Variants in LCP1 observed in about 807,000 individuals in gnomAD.
LCP1 encodes plastin-2.
LCP1 carries 23 observed loss-of-function variants against 72.0 expected under a neutral mutation model. The ratio of observed to expected loss-of-function variants is 0.32; its 90% CI spans 0.23 to 0.45. LCP1 has a LOEUF of 0.45. LCP1 is among the 20% of genes least tolerant of loss of function. The pLI is 1.00. For missense variants in LCP1, 571 were observed against 748.3 expected (o/e 0.76, Z 2.76); for synonymous variants, 245 against 275.4 (o/e 0.89, Z 1.09).
chr13:46,133,002 T>A (rs9534338), intron 14 of LCP1, among the ~76,000 whole-genome samples: 4 of 151,960 alleles, frequency 2.6e-5, no homozygotes, highest in Non-Finnish European at 4.4e-5. Flanking sequence ...ACAGGCATTA[T>A]GATGATGTGG....
chr13:46,162,933 C>T (rs1486095942), intron 1 of LCP1, among the ~76,000 whole-genome samples: 4 of 150,256 alleles, frequency 2.7e-5, no homozygotes, highest in African/African-American at 9.9e-5. Context: ...AAAAGTGAGG[C>T]GCCCCTCCGC....
chr13:46,156,488 G>A lies in LCP1; in HGVS notation c.441C>T (p.Asn147=), dbSNP rs1323427784. Residue 147 remains asparagine, a synonymous_variant, in exon 5 of 16, where the codon AAC becomes AAT. Transcript: ENST00000323076. ...CATTAAAGAGATCATTCGTGTTTGG[G>A]TTCATTGGGATGACATGCCGACAAT... is the stretch of plus-strand genomic sequence containing the variant. ...DPDCRHVIPM[N]PNTNDLFNAV... The A allele has an allele frequency of 1.2e-6, 2 of 1,614,138 alleles. No individual in the cohort carries two copies. The highest frequency in any genetic ancestry group is 1.7e-6 in the Non-Finnish European group (2 of 1,180,004).
intron 9 of LCP1, 139 bp from the exon 10 acceptor site, chr13:46,147,242 T>C: frequency 1.4e-6 from 1 of 698,814 alleles, no homozygotes; most frequent in East Asian, 3.1e-5. Context: ...CAGCACATTA[T>C]TGCCTATATG....
chr13:46,177,792 A>G (rs1238065434), intron 1 of LCP1, among the ~76,000 whole-genome samples: 1 of 152,132 alleles, frequency 6.6e-6, no homozygotes, highest in African/African-American at 2.4e-5. Flanking sequence ...GAGGCCTGTA[A>G]TTGTTAACAA....
Position 46,127,675 on chromosome 13 carries a change from C to A in LCP1, c.1800G>T (p.Leu600=). Residue 600 remains leucine, a synonymous_variant, in exon 16 of 16, where the codon CTG becomes CTT. Coordinates refer to ENST00000323076, the MANE Select transcript of LCP1 (RefSeq NM_002298.5). ...GGTTCACTTCAACCAGGTCTTCTGG[C>A]AGGGCATACACTCTTGCTCCAATTT... ...ARKIGARVYA[L]PEDLVEVNPK... is the part of the protein sequence containing the mutation. 6.2e-7 allele frequency: 1 copy of A among 1,614,104 alleles called. No homozygotes were observed. The highest frequency in any genetic ancestry group is 8.5e-7 in the Non-Finnish European group (1 of 1,180,020).
chr13:46,156,813 T>C (rs2045804201), intron 4 of LCP1, among the ~76,000 whole-genome samples: 1 of 144,528 alleles, frequency 6.9e-6, no homozygotes, highest in Non-Finnish European at 1.5e-5. Flanking sequence ...ATCTCTCTGT[T>C]TCTTTTCTTT....
At chr13:46,167,893 T>A (rs181686264) in intron 1 of LCP1, among the ~76,000 whole-genome samples, 1 of 152,236 alleles carries the variant, frequency 6.6e-6, no homozygotes, top group Admixed American at 6.5e-5. Context: ...TGTGAAATAG[T>A]TAATGCAATG....
intron 1 of LCP1, among the ~76,000 whole-genome samples, chr13:46,163,565 T>C (rs1214232299): frequency 6.6e-6 from 1 of 151,398 alleles, no homozygotes; most frequent in Non-Finnish European, 1.5e-5. Context: ...TCTGCTGACC[T>C]TCCCTCCACT....
chr13:46,144,091 A>G (rs35561847), intron 11 of LCP1, among the ~76,000 whole-genome samples: 21,975 of 152,258 alleles, frequency 0.14, 2,066 homozygotes, highest in Non-Finnish European at 0.2. Flanking sequence ...TTGAAAAAAA[A>G]AAGAAGAAAA....
chr13:46,157,036 G>T (rs958160633), intron 4 of LCP1, among the ~76,000 whole-genome samples: 1 of 151,652 alleles, frequency 6.6e-6, no homozygotes, highest in Non-Finnish European at 1.5e-5. Context: ...TAGCCAGGAT[G>T]GTCTCGATTT....
Position 46,127,624 on chromosome 13 carries a change from G to A in LCP1, c.1851C>T (p.Ala617=). ...TCTTCATTCCTTTCCCCATGAGGCA[G>A]GCAAACACGGTCATGACCATTTTGG... ...VNPKMVMTVF[A]CLMGKGMKRV is the part of the protein sequence containing the mutation. The change falls in exon 16 of 16, where the codon GCC becomes GCT. Residue 617 remains alanine (A), a synonymous_variant. Coordinates refer to ENST00000323076, the MANE Select transcript of LCP1 (RefSeq NM_002298.5). 1 of 1,614,168 alleles carries A rather than the reference G, an allele frequency of 6.2e-7. No individual in the cohort carries two copies. The highest frequency in any genetic ancestry group is 8.5e-7 in the Non-Finnish European group (1 of 1,180,022).
chr13:46,127,582 C>T lies in LCP1; in HGVS notation c.*9G>A. 1 of 1,614,116 alleles carries T rather than the reference C, an allele frequency of 6.2e-7. No individual in the cohort carries two copies. ...GAGTGCACCGCCTCCCACCCAGCCC[C>T]ATTGGGCCTCACACCCTCTTCATTC... On this transcript the variant is annotated 3_prime_UTR_variant, in exon 16 of 16. Coordinates refer to ENST00000323076, the MANE Select transcript of LCP1 (RefSeq NM_002298.5).
rs141329338 is a variant in LCP1 at position 46,172,222 on chromosome 13, G to A, written c.-25+9889C>T. 1.5e-3 allele frequency among the ~76,000 whole-genome samples: 225 copies of A among 152,310 alleles called. 6 individuals are homozygous for A. In the South Asian group the frequency reaches 0.045, roughly 30 times the overall value. ...TGCAGGGCGAGGCATGGTGGCTCAC[G>A]CCTGTAATCCCTGTACTTTGGGAGG... On this transcript the variant is annotated intron_variant, in intron 1 of 15. Transcript: ENST00000323076.
At chr13:46,170,460 T>C (rs1373613708) in intron 1 of LCP1, among the ~76,000 whole-genome samples, 1 of 152,056 alleles carries the variant, frequency 6.6e-6, no homozygotes, top group Non-Finnish European at 1.5e-5. Context: ...TGCTTGGCAG[T>C]GGGTCTCTAT....
rs557623164 is a variant in LCP1, at chr13:46,150,327, C to G, written c.882+609G>C. On this transcript the variant is annotated intron_variant, in intron 8 of 15. Transcript: ENST00000323076. ...ATTGCCAATAGCTGTTTTCTTTCACCTTGACAGGGAACTTTTCATATACTT... is the reference window on the plus strand; with the variant it reads ...ATTGCCAATAGCTGTTTTCTTTCACGTTGACAGGGAACTTTTCATATACTT... Among the ~76,000 whole-genome samples, 101 of 152,272 alleles carry G rather than the reference C, an allele frequency of 6.6e-4. 1 individual carries two copies. Among genetic ancestry groups the G allele is most frequent in the Admixed American group, 1.8e-3 (28 of 15,296 alleles).
intron 15 of LCP1, among the ~76,000 whole-genome samples, chr13:46,129,480 G>T (rs908686594): frequency 2.0e-5 from 3 of 152,152 alleles, no homozygotes; most frequent in Non-Finnish European, 4.4e-5. Flanking sequence ...GAGCTCAGCT[G>T]AGCTGCTATT....
Position 46,143,374 on chromosome 13 carries a change from C to T in LCP1, c.1284G>A (p.Gln428=). The T allele has an allele frequency of 6.2e-7, 1 of 1,613,898 alleles. No individual in the cohort carries two copies. The highest frequency in any genetic ancestry group is 1.3e-5 in the African/African-American group (1 of 75,020). ...SDLSDALVIF[Q]LYEKIKVPVD... ...CAGGAACTTTGATCTTTTCATAGAG[C>T]TGGAAGATGACCAGGGCATCTGATA... Residue 428 remains glutamine, a synonymous_variant, in exon 12 of 16, where the codon CAG becomes CAA. Transcript: ENST00000323076.
At chr13:46,128,089 C>T (rs956799590) in intron 15 of LCP1, among the ~76,000 whole-genome samples, 3 of 150,694 alleles carry the variant, frequency 2.0e-5, no homozygotes, top group Non-Finnish European at 4.4e-5. Context: ...GAAGCTCTTG[C>T]CTCAGCCTCC....
rs1389572416 is a variant in LCP1 at position 46,145,674 on chromosome 13, C to T, written c.1175-1154G>A. Among the ~76,000 whole-genome samples the T allele has an allele frequency of 5.1e-5, 4 of 77,730 alleles. 1 individual carries two copies. The highest frequency in any genetic ancestry group is 2.8e-4 in the African/African-American group (4 of 14,356). The allele number at this position is 77,730 out of a possible 152,430, so 51.0% of individuals were successfully genotyped here. On this transcript the variant is annotated intron_variant, in intron 10 of 15. Coordinates refer to ENST00000323076, the MANE Select transcript of LCP1 (RefSeq NM_002298.5). ...CCTGTAATCCCAGCACTTTGGGAGG[C>T]CGAGGCGGGCGGATCACGAGGTCAG...
Sources: allele counts gnomAD v4.1 joint callset (sites outside exome capture counted in the v4.1 genomes callset), GRCh38; gene constraint gnomAD v4.1.1; transcripts MANE v1.5; gene names NCBI Gene and HGNC (gene_info 2026-07-23, HGNC 2026-07-21).